Variants in UST observed in about 807,000 individuals in gnomAD.
UST encodes the protein uronyl 2-sulfotransferase.
UST carries 21 observed loss-of-function variants against 45.6 expected under a neutral mutation model. That is an observed-to-expected ratio of 0.46 (90% CI 0.33 to 0.66). UST has a LOEUF of 0.66. Among genes scored for constraint, UST ranks in the 30% least tolerant of loss-of-function variants. The probability of loss-of-function intolerance (pLI) is 0.02; values close to 1 mark genes in which losing one functional copy is unlikely to be tolerated. For missense variants in UST, 463 were observed against 512.4 expected, an observed-to-expected ratio of 0.90 and a Z score of 0.93; for synonymous variants, 215 against 200.6, an observed-to-expected ratio of 1.07 and a Z score of -0.61.
At chr6:149,004,180 T>C (rs973015695) in intron 5 of UST, among the ~76,000 whole-genome samples, 4 of 152,204 alleles carry the variant, frequency 2.6e-5, no homozygotes. Flanking sequence ...AAAAACCTAC[T>C]CTTCCCCTTG....
chr6:148,902,537 GGTTTTAATTTTTACAT>G (rs1779281024), intron 2 of UST, among the ~76,000 whole-genome samples: 2 of 151,798 alleles, frequency 1.3e-5, no homozygotes, highest in South Asian at 4.2e-4. Flanking sequence ...CATCTCGCCT[GGTTTTAATTTTTACAT>G]TTTTTAATGA....
intron 3 of UST, among the ~76,000 whole-genome samples, chr6:148,947,106 C>G (rs1482199306): frequency 6.6e-6 from 1 of 151,994 alleles, no homozygotes; most frequent in African/African-American, 2.4e-5. Flanking sequence ...GACTTGAAAG[C>G]AAACGGGGGT....
At chr6:148,839,162 C>T (rs1237850340) in intron 1 of UST, among the ~76,000 whole-genome samples, 2 of 150,506 alleles carry the variant, frequency 1.3e-5, no homozygotes, top group African/African-American at 4.8e-5. Context: ...CACTCGGCCG[C>T]AGCAGAATAG....
intron 7 of UST, among the ~76,000 whole-genome samples, chr6:149,063,217 C>T (rs1415820184): frequency 6.6e-6 from 1 of 152,196 alleles, no homozygotes; most frequent in Non-Finnish European, 1.5e-5. Context: ...AAAAAACAAT[C>T]TCTATTGTGT....
intron 7 of UST, among the ~76,000 whole-genome samples, chr6:149,029,745 C>T (rs574553961): frequency 6.6e-6 from 1 of 152,032 alleles, no homozygotes; most frequent in South Asian, 2.1e-4. Flanking sequence ...ACTCAGTTTT[C>T]ATTGATGAAA....
chr6:148,750,444 G>T (rs193275739), intron 1 of UST, among the ~76,000 whole-genome samples: 3 of 152,192 alleles, frequency 2.0e-5, no homozygotes, highest in Non-Finnish European at 4.4e-5. Flanking sequence ...CAGCAACACT[G>T]TCGGTAGGTT....
intron 7 of UST, among the ~76,000 whole-genome samples, chr6:149,059,048 G>A (rs1448324634): frequency 6.6e-6 from 1 of 152,208 alleles, no homozygotes; most frequent in African/African-American, 2.4e-5. Flanking sequence ...AAGAAACATA[G>A]CAACTTGCCC....
At position 148,747,592 on chromosome 6, in the gene UST, C is replaced by A; in HGVS notation, c.162C>A (p.Thr54=). The change falls in exon 1 of 8, where the codon ACC becomes ACA. Residue 54 remains threonine, a synonymous_variant. Coordinates refer to ENST00000367463, the MANE Select transcript of UST (RefSeq NM_005715.3). ...SLRDYGFCMA[T]LLVFCLGSLL... Reference sequence around the variant, plus strand: ...GGGACTACGGCTTCTGCATGGCCACCCTGCTGGTCTTCTGCCTGGGCTCCC... The same window carrying A: ...GGGACTACGGCTTCTGCATGGCCACACTGCTGGTCTTCTGCCTGGGCTCCC... 6.3e-7 allele frequency: 1 copy of A among 1,596,496 alleles called. No individual in the cohort carries two copies. The highest frequency in any genetic ancestry group is 8.5e-7 in the Non-Finnish European group (1 of 1,173,016).
At chr6:148,926,175 G>A (rs553868139) in intron 2 of UST, among the ~76,000 whole-genome samples, 56 of 152,280 alleles carry the variant, frequency 3.7e-4, no homozygotes, top group African/African-American at 1.3e-3. Flanking sequence ...ACAGCATTTC[G>A]AAGCTAATAG....
intron 2 of UST, among the ~76,000 whole-genome samples, chr6:148,935,921 G>A (rs1247180682): frequency 6.6e-6 from 1 of 152,184 alleles, no homozygotes; most frequent in Non-Finnish European, 1.5e-5. Context: ...CTGAGTAATG[G>A]CTGATGATAC....
intron 1 of UST, among the ~76,000 whole-genome samples, chr6:148,864,512 G>A (rs542727602): frequency 6.6e-6 from 1 of 152,282 alleles, no homozygotes; most frequent in East Asian, 1.9e-4. Context: ...TCCACTGTCC[G>A]ACAAGCCCCA....
At chr6:148,763,753 A>G (rs1226192037) in intron 1 of UST, among the ~76,000 whole-genome samples, 4 of 152,170 alleles carry the variant, frequency 2.6e-5, no homozygotes, top group African/African-American at 9.6e-5. Flanking sequence ...TGAATAGGGT[A>G]TCCTTTCCCC....
intron 5 of UST, among the ~76,000 whole-genome samples, chr6:148,972,543 A>T (rs1471619074): frequency 1.3e-5 from 2 of 152,224 alleles, no homozygotes; most frequent in African/African-American, 4.8e-5. Context: ...ATGGCTGCCA[A>T]GGCAGGTTTG....
intron 7 of UST, among the ~76,000 whole-genome samples, chr6:149,061,244 C>T (rs571446673): frequency 1.6e-4 from 24 of 152,242 alleles, no homozygotes; most frequent in African/African-American, 5.5e-4. Context: ...TTCCATTATG[C>T]ATGTTTGACA....
At chr6:149,033,300 TACAA>T (rs1444222563) in intron 7 of UST, among the ~76,000 whole-genome samples, 2 of 152,266 alleles carry the variant, frequency 1.3e-5, no homozygotes, top group African/African-American at 4.8e-5. Flanking sequence ...CGGGGCGAAG[TACAA>T]TCCTTACCCA....
intron 2 of UST, among the ~76,000 whole-genome samples, chr6:148,940,179 A>C (rs1780096322): frequency 6.6e-6 from 1 of 152,124 alleles, no homozygotes; most frequent in Non-Finnish European, 1.5e-5. Context: ...GGATGGGTAT[A>C]ATAAACAACC....
At chr6:149,050,217 A>G (rs1776463217) in intron 7 of UST, among the ~76,000 whole-genome samples, 1 of 152,174 alleles carries the variant, frequency 6.6e-6, no homozygotes, top group Admixed American at 6.5e-5. Flanking sequence ...CTTGAATCTG[A>G]AAACACATTG....
At chr6:149,064,633 T>C (rs1776707238) in intron 7 of UST, among the ~76,000 whole-genome samples, 1 of 152,216 alleles carries the variant, frequency 6.6e-6, no homozygotes. Flanking sequence ...CGAGAAGCAC[T>C]TACTCTCTAG....
At chr6:148,974,708 G>C (rs573104200) in intron 5 of UST, among the ~76,000 whole-genome samples, 22 of 152,314 alleles carry the variant, frequency 1.4e-4, no homozygotes, top group African/African-American at 4.8e-4. Flanking sequence ...GACAAGCAAA[G>C]CTTTTAAAAC....
Sources: gnomAD v4.1 joint callset for allele counts (sites outside exome capture counted in the v4.1 genomes callset) on GRCh38, gnomAD v4.1.1 for gene constraint, MANE v1.5 for transcripts, NCBI Gene and HGNC (gene_info 2026-07-23, HGNC 2026-07-21) for gene names.